Variants in PCSK2 observed in about 807,000 individuals in gnomAD.
The protein encoded by PCSK2 is neuroendocrine convertase 2.
A neutral mutation model predicts 69.7 loss-of-function variants in PCSK2; 14 were observed. The observed-to-expected ratio is 0.20, with a 90% CI of 0.13 to 0.31. PCSK2 has a LOEUF of 0.31. Among genes scored for constraint, PCSK2 ranks in the 10% least tolerant of loss-of-function variants. The pLI is 1.00. For synonymous variants in PCSK2, 307 were observed against 320.7 expected (o/e 0.96, Z 0.46); for missense variants, 544 against 842.5 (o/e 0.65, Z 4.39).
intron 2 of PCSK2, among the ~76,000 whole-genome samples, chr20:17,280,993 A>T (rs1214285735): frequency 6.6e-6 from 1 of 152,196 alleles, no homozygotes; most frequent in African/African-American, 2.4e-5. Flanking sequence ...ATTTGCAACC[A>T]AATCTGATCT....
intron 8 of PCSK2, among the ~76,000 whole-genome samples, chr20:17,443,359 C>A (rs2032635230): frequency 6.6e-6 from 1 of 152,146 alleles, no homozygotes. Flanking sequence ...AAGTGACGTC[C>A]CTACCCTGTT....
Position 17,268,031 on chromosome 20 carries a change from G to GTATATATATA in PCSK2, c.282+7688_282+7689insATATATATAT, listed in dbSNP as rs750234336. Among the ~76,000 whole-genome samples the GTATATATATA allele has an allele frequency of 7.1e-3, 833 of 117,768 alleles. 21 individuals are homozygous for GTATATATATA. Among genetic ancestry groups the GTATATATATA allele is most frequent in the Middle Eastern group, 0.016 (3 of 184 alleles). 77.3% of individuals were successfully genotyped at this position (117,768 alleles called of 152,430 possible). A position where few individuals can be genotyped will look rare whatever the true frequency, so the allele number is the denominator to read the frequency against. The stretch of plus-strand genomic sequence containing the variant: ...AAGGAAATGCATTTATATATCCAAT[G>GTATATATATA]TGTATATATATATATATATATATAT... On this transcript the variant is annotated intron_variant, in intron 2 of 11. Coordinates refer to ENST00000262545, the MANE Select transcript of PCSK2 (RefSeq NM_002594.5).
intron 6 of PCSK2, among the ~76,000 whole-genome samples, chr20:17,424,002 G>A (rs2032190068): frequency 6.6e-6 from 1 of 152,206 alleles, no homozygotes; most frequent in Non-Finnish European, 1.5e-5. Context: ...CACCTTGAAG[G>A]AGGTAGTACA....
intron 11 of PCSK2, among the ~76,000 whole-genome samples, chr20:17,473,087 CTTTTTTTT>C (rs10648323): frequency 2.6e-5 from 2 of 76,800 alleles, no homozygotes; most frequent in Non-Finnish European, 4.6e-5. Context: ...AAGAAGAACT[CTTTTTTTT>C]TTTTTTTTTT....
chr20:17,281,382 T>C (rs73088820), intron 2 of PCSK2, among the ~76,000 whole-genome samples: 2,923 of 152,304 alleles, frequency 0.019, 36 homozygotes, highest in Non-Finnish European at 0.027. Flanking sequence ...CAGGTGCTCC[T>C]GTCCCTTGGG....
intron 2 of PCSK2, among the ~76,000 whole-genome samples, chr20:17,352,438 A>T (rs1040256158): frequency 5.3e-5 from 8 of 152,214 alleles, no homozygotes; most frequent in African/African-American, 1.9e-4. Context: ...GCATTACCCA[A>T]TGTCATATTA....
chr20:17,316,503 C>A (rs1201907749), intron 2 of PCSK2, among the ~76,000 whole-genome samples: 2 of 152,172 alleles, frequency 1.3e-5, no homozygotes, highest in Admixed American at 1.3e-4. Context: ...CCTTTCTCTA[C>A]CAGAGCTTTC....
At chr20:17,479,101 G>A in intron 11 of PCSK2, 1 of 1,325,644 alleles carries the variant, frequency 7.5e-7, no homozygotes, top group Non-Finnish European at 1.1e-6. Flanking sequence ...AACAGCAATG[G>A]CAAAAACATT....
chr20:17,361,760 A>ACAT (rs1391302938), intron 4 of PCSK2, among the ~76,000 whole-genome samples: 2 of 152,212 alleles, frequency 1.3e-5, no homozygotes, highest in East Asian at 3.8e-4. Flanking sequence ...GATGTGTGAG[A>ACAT]CATTTTTAAG....
intron 2 of PCSK2, among the ~76,000 whole-genome samples, chr20:17,303,174 A>G (rs1349664256): frequency 6.9e-6 from 1 of 144,856 alleles, no homozygotes; most frequent in Non-Finnish European, 1.5e-5. Context: ...TTAAAAATAT[A>G]TACATATATA....
chr20:17,474,153 C>T (rs2033251577), intron 11 of PCSK2, among the ~76,000 whole-genome samples: 1 of 152,164 alleles, frequency 6.6e-6, no homozygotes, highest in African/African-American at 2.4e-5. Flanking sequence ...GGCTATGCAC[C>T]ACCCCAGCTA....
intron 1 of PCSK2, among the ~76,000 whole-genome samples, chr20:17,232,535 C>T (rs1238270695): frequency 1.3e-5 from 2 of 152,112 alleles, no homozygotes; most frequent in African/African-American, 4.8e-5. Context: ...TTTGGGTTGT[C>T]CATCTTCACT....
intron 8 of PCSK2, among the ~76,000 whole-genome samples, chr20:17,449,592 G>T (rs548641745): frequency 1.9e-3 from 205 of 109,744 alleles, no homozygotes; most frequent in Non-Finnish European, 3.4e-3. Context: ...GTGCAATAGC[G>T]CGATCTCAGC....
intron 2 of PCSK2, among the ~76,000 whole-genome samples, chr20:17,300,662 A>C (rs895840197): frequency 1.3e-5 from 2 of 152,210 alleles, no homozygotes; most frequent in African/African-American, 4.8e-5. Flanking sequence ...CAGTTTTTAT[A>C]GTGAGAATAT....
At chr20:17,285,844 C>T (rs1214485365) in intron 2 of PCSK2, among the ~76,000 whole-genome samples, 1 of 152,162 alleles carries the variant, frequency 6.6e-6, no homozygotes, top group Non-Finnish European at 1.5e-5. Flanking sequence ...ACATCACAGA[C>T]CCACCTATGA....
intron 4 of PCSK2, among the ~76,000 whole-genome samples, chr20:17,362,961 G>T (rs1016962000): frequency 5.3e-5 from 8 of 152,228 alleles, no homozygotes; most frequent in Non-Finnish European, 5.9e-5. Context: ...CTAGAACCGG[G>T]AAGGCTGGCA....
intron 2 of PCSK2, among the ~76,000 whole-genome samples, chr20:17,311,859 A>G (rs1158675918): frequency 6.6e-6 from 1 of 152,080 alleles, no homozygotes; most frequent in Non-Finnish European, 1.5e-5. Flanking sequence ...CCCTTTCCCT[A>G]CTTCTGTAAT....
rs114558547 is a variant in PCSK2 at position 17,463,201 on chromosome 20, T to G, written c.1203-2125T>G. 9.0e-3 allele frequency among the ~76,000 whole-genome samples: 1,375 copies of G among 152,296 alleles called. 19 individuals are homozygous for G. Among genetic ancestry groups the G allele is most frequent in the African/African-American group, 0.031 (1,280 of 41,562 alleles). ...TGCAGAGAAACATTTAAGGGAGCCC[T>G]TCTCCAGGCATCAGAAGTACAGCCC... On this transcript the variant is annotated intron_variant, in intron 10 of 11. Transcript: ENST00000262545.
intron 1 of PCSK2, among the ~76,000 whole-genome samples, chr20:17,258,979 T>G (rs964049649): frequency 5.9e-5 from 9 of 151,904 alleles, no homozygotes; most frequent in Admixed American, 2.0e-4. Context: ...TTTCTAAATT[T>G]ACTCTACATT....
Sources: gnomAD v4.1 joint callset for allele counts (sites outside exome capture counted in the v4.1 genomes callset) on GRCh38, gnomAD v4.1.1 for gene constraint, MANE v1.5 for transcripts, NCBI Gene and HGNC (gene_info 2026-07-23, HGNC 2026-07-21) for gene names.